TENM2: variants seen among roughly 807,000 people sequenced by gnomAD.
The protein encoded by TENM2 is teneurin-2.
Under a neutral mutation model 245.2 loss-of-function variants are expected in TENM2, and 52 were observed. That is an observed-to-expected ratio of 0.21 (90% CI 0.17 to 0.27). TENM2 has a LOEUF of 0.27. Among genes scored for constraint, TENM2 ranks in the 10% least tolerant of loss-of-function variants. The pLI, the probability that TENM2 is intolerant of heterozygous loss-of-function variation, is 1.00. For missense variants in TENM2, 3,046 were observed against 3,666.8 expected (o/e 0.83, Z 4.37); for synonymous variants, 1,363 against 1,438.9 (o/e 0.95, Z 1.19).
intron 2 of TENM2, among the ~76,000 whole-genome samples, chr5:167,592,551 C>T (rs1189184032): frequency 6.6e-6 from 1 of 152,136 alleles, no homozygotes; most frequent in Non-Finnish European, 1.5e-5. Flanking sequence ...ATTGGTTACC[C>T]ATAAAATTTT....
chr5:168,090,985 G>C (rs1444594068), intron 8 of TENM2, among the ~76,000 whole-genome samples: 1 of 152,150 alleles, frequency 6.6e-6, no homozygotes, highest in Non-Finnish European at 1.5e-5. Flanking sequence ...GGATGAAATT[G>C]AGGTTAAGAG....
intron 2 of TENM2, among the ~76,000 whole-genome samples, chr5:167,551,574 ATCTC>A (rs1772945135): frequency 6.6e-6 from 1 of 152,144 alleles, no homozygotes; most frequent in South Asian, 2.1e-4. Flanking sequence ...CACTTAACCA[ATCTC>A]TCTATATGGA....
chr5:167,194,433 A>T, the TENM2 span, among the ~76,000 whole-genome samples: 1 of 152,046 alleles, frequency 6.6e-6, no homozygotes, highest in Admixed American at 6.6e-5. Context: ...TTCTGAATGT[A>T]CATCAAAGCT....
chr5:167,792,896 G>A (rs1030502334), intron 2 of TENM2, among the ~76,000 whole-genome samples: 2 of 152,186 alleles, frequency 1.3e-5, no homozygotes, highest in African/African-American at 4.8e-5. Flanking sequence ...GCCCCTCTGA[G>A]GTTTCGGTCC....
At chr5:168,142,994 GA>G (rs1364457340) in intron 12 of TENM2, among the ~76,000 whole-genome samples, 1 of 152,184 alleles carries the variant, frequency 6.6e-6, no homozygotes, top group East Asian at 1.9e-4. Context: ...GTTGGGGAGG[GA>G]ATTACATGAA....
the TENM2 span, among the ~76,000 whole-genome samples, chr5:167,173,314 T>C: frequency 2.0e-5 from 3 of 152,226 alleles, no homozygotes; most frequent in Non-Finnish European, 2.9e-5. Flanking sequence ...CCCCTTTCTC[T>C]GCTTTACTAC....
the TENM2 span, among the ~76,000 whole-genome samples, chr5:167,133,667 C>T: frequency 1.4e-5 from 2 of 146,882 alleles, no homozygotes; most frequent in African/African-American, 5.1e-5. Context: ...AAGCCAAAAT[C>T]CCTTTCCTGC....
intron 1 of TENM2, among the ~76,000 whole-genome samples, chr5:167,326,745 G>A (rs934036585): frequency 4.5e-4 from 67 of 148,668 alleles, no homozygotes; most frequent in African/African-American, 1.6e-3. Context: ...AGCCTCCTAA[G>A]TCATGTTCAG....
intron 2 of TENM2, among the ~76,000 whole-genome samples, chr5:167,413,400 C>T (rs1307493353): frequency 1.3e-5 from 2 of 152,128 alleles, no homozygotes; most frequent in Non-Finnish European, 2.9e-5. Flanking sequence ...CATGGATAAA[C>T]TTGTATGAGG....
At chr5:167,879,427 G>T in intron 3 of TENM2, among the ~76,000 whole-genome samples, 1 of 152,056 alleles carries the variant, frequency 6.6e-6, no homozygotes, top group South Asian at 2.1e-4. Context: ...GCCAGAGCGG[G>T]TTGCTCCAGA....
intron 7 of TENM2, among the ~76,000 whole-genome samples, chr5:168,074,932 C>T (rs752981638): frequency 1.5e-4 from 23 of 152,114 alleles, no homozygotes; most frequent in Non-Finnish European, 3.1e-4. Flanking sequence ...ACCCAATGTA[C>T]ACTTTTAAAA....
intron 2 of TENM2, among the ~76,000 whole-genome samples, chr5:167,764,548 ACTCTT>A (rs1762878585): frequency 1.3e-5 from 2 of 151,924 alleles, no homozygotes; most frequent in African/African-American, 4.8e-5. Context: ...GAGAGTTCCC[ACTCTT>A]GCCTTTGTGT....
intron 2 of TENM2, among the ~76,000 whole-genome samples, chr5:167,658,573 G>A (rs888437546): frequency 5.9e-5 from 9 of 152,106 alleles, no homozygotes; most frequent in African/African-American, 1.9e-4. Context: ...TGCTATCACA[G>A]TGAAGAATAA....
At chr5:167,790,750 C>T (rs1294015697) in intron 2 of TENM2, among the ~76,000 whole-genome samples, 1 of 152,154 alleles carries the variant, frequency 6.6e-6, no homozygotes, top group Non-Finnish European at 1.5e-5. Context: ...TTTTGGCACT[C>T]CTTTCTCTAA....
chr5:168,200,106 G>A (rs567675852), exon 17 of TENM2: 3 of 1,613,570 alleles, frequency 1.9e-6, no homozygotes, highest in South Asian at 1.1e-5. Context: ...ATGGCCAAAG[G>A]GTGTATGGAC....
the TENM2 span, among the ~76,000 whole-genome samples, chr5:167,245,458 A>G: frequency 1.3e-5 from 2 of 152,070 alleles, no homozygotes; most frequent in Non-Finnish European, 2.9e-5. Context: ...TTCAAAGTGT[A>G]TATAACAAAT....
the TENM2 span, among the ~76,000 whole-genome samples, chr5:167,019,904 A>G: frequency 1.3e-5 from 2 of 152,194 alleles, no homozygotes; most frequent in South Asian, 2.1e-4. Context: ...TGCCAAGAGC[A>G]AGTAAATAAT....
At chr5:167,260,919 GTTCTAA>G in the TENM2 span, among the ~76,000 whole-genome samples, 1 of 152,202 alleles carries the variant, frequency 6.6e-6, no homozygotes, top group Non-Finnish European at 1.5e-5. Context: ...GGTTCTGGTA[GTTCTAA>G]GAGCTTTACA....
chr5:167,876,665 T>C (rs1330972174), intron 3 of TENM2, among the ~76,000 whole-genome samples: 1 of 152,198 alleles, frequency 6.6e-6, no homozygotes, highest in African/African-American at 2.4e-5. Context: ...CTTGTTTAGA[T>C]GATTTTGAAA....
Sources: gnomAD v4.1 joint callset for allele counts (sites outside exome capture counted in the v4.1 genomes callset) on GRCh38, gnomAD v4.1.1 for gene constraint, MANE v1.5 for transcripts, NCBI Gene and HGNC (gene_info 2026-07-23, HGNC 2026-07-21) for gene names.